Variants in RFC1 observed in about 807,000 individuals in gnomAD.
RFC1 encodes the protein A1 140 kDa subunit.
Under a neutral mutation model 137.4 loss-of-function variants are expected in RFC1, and 37 were observed. The ratio of observed to expected loss-of-function variants is 0.27; its 90% CI spans 0.21 to 0.35. The LOEUF is 0.35. Among genes scored for constraint, RFC1 ranks in the 10% least tolerant of loss-of-function variants. RFC1 has a pLI of 1.00. For missense variants in RFC1, 1,205 were observed against 1,358.5 expected, an observed-to-expected ratio of 0.89 and a Z score of 1.78; for synonymous variants, 429 against 455.7, an observed-to-expected ratio of 0.94 and a Z score of 0.75.
chr4:39,355,281 G>A (rs1741416273), intron 1 of RFC1, among the ~76,000 whole-genome samples: 2 of 151,440 alleles, frequency 1.3e-5, no homozygotes, highest in African/African-American at 2.4e-5. Context: ...AAAAAAATCA[G>A]CCTAGTGTAG....
At position 39,308,799 on chromosome 4, in the gene RFC1, A is replaced by G. The variant is rs1041481930; in HGVS notation, c.1722T>C (p.Asp574=). The G allele has an allele frequency of 1.9e-6, 3 of 1,614,178 alleles. No individual in the cohort carries two copies. The highest frequency in any genetic ancestry group is 1.7e-6 in the Non-Finnish European group (2 of 1,180,040). The part of the protein sequence containing the change: ...SGDSKARNLA[D]DSSENKVENL... ...TTTCCACTTTGTTTTCACTGCTGTC[A>G]TCAGCCAAATTCCTAGCCTTGCTGT... The change falls in exon 13 of 25, where the codon GAT becomes GAC. Residue 574 remains aspartate, a synonymous_variant. Coordinates refer to ENST00000349703, the MANE Select transcript of RFC1 (RefSeq NM_002913.5).
At chr4:39,292,458 C>T (rs528689450) in intron 22 of RFC1, among the ~76,000 whole-genome samples, 2 of 152,194 alleles carry the variant, frequency 1.3e-5, no homozygotes, top group South Asian at 2.1e-4. Flanking sequence ...GCTGAGAACT[C>T]GAATGTTATC....
At chr4:39,307,151 C>T (rs1449463107) in intron 13 of RFC1, among the ~76,000 whole-genome samples, 2 of 152,092 alleles carry the variant, frequency 1.3e-5, no homozygotes, top group African/African-American at 4.8e-5. Flanking sequence ...GTTGTGAGGA[C>T]GGAATGGCTG....
intron 3 of RFC1, among the ~76,000 whole-genome samples, chr4:39,343,548 G>T (rs975875780): frequency 2.6e-4 from 39 of 152,144 alleles, no homozygotes; most frequent in Admixed American, 1.3e-4. Flanking sequence ...CAAAATAGAT[G>T]TTTCATAAAC....
chr4:39,309,589 T>G (rs1243021592), intron 12 of RFC1, among the ~76,000 whole-genome samples: 2 of 152,236 alleles, frequency 1.3e-5, no homozygotes, highest in African/African-American at 2.4e-5. Context: ...CCATATATTC[T>G]AATGTCTCCA....
At chr4:39,361,576 A>G (rs1340642733) in intron 1 of RFC1, among the ~76,000 whole-genome samples, 3 of 152,222 alleles carry the variant, frequency 2.0e-5, no homozygotes, top group African/African-American at 4.8e-5. Context: ...AATAAAAGAC[A>G]TCTACATTGA....
intron 21 of RFC1, chr4:39,297,842 C>T (rs1326475993): frequency 6.6e-6 from 1 of 152,184 alleles, no homozygotes; most frequent in Non-Finnish European, 1.5e-5. Flanking sequence ...ATAAATACTT[C>T]TTCAAGAGGA....
chr4:39,357,704 A>G (rs1170708944), intron 1 of RFC1, among the ~76,000 whole-genome samples: 2 of 151,224 alleles, frequency 1.3e-5, no homozygotes, highest in South Asian at 2.1e-4. Context: ...GCAACCTCCA[A>G]CTCCCAGGTT....
chr4:39,345,778 G>A (rs1740831486), intron 2 of RFC1, among the ~76,000 whole-genome samples: 2 of 151,910 alleles, frequency 1.3e-5, no homozygotes, highest in African/African-American at 4.8e-5. Flanking sequence ...TTGCATCCCC[G>A]CCCCCCAGAA....
chr4:39,360,182 G>A (rs1293241671), intron 1 of RFC1, among the ~76,000 whole-genome samples: 2 of 151,448 alleles, frequency 1.3e-5, no homozygotes, highest in African/African-American at 4.9e-5. Context: ...CCTGGCCAAC[G>A]TGGTGAAACC....
At chr4:39,323,456 T>C (rs1739620285) in intron 6 of RFC1, 39 bp from the exon 7 acceptor site, 8 of 1,537,152 alleles carry the variant, frequency 5.2e-6, no homozygotes, top group South Asian at 4.5e-5. Context: ...AGTTGCTCTT[T>C]TTCTTTTCGT....
At chr4:39,291,906 T>C (rs917149329) in intron 22 of RFC1, 54 bp from the exon 23 acceptor site, 32 of 1,272,266 alleles carry the variant, frequency 2.5e-5, no homozygotes, top group Non-Finnish European at 3.1e-5. Context: ...ACTCAAGTCA[T>C]ACTGTGCATA....
chr4:39,289,671 A>G (rs56391770), intron 24 of RFC1, 177 bp downstream of exon 24: 23 of 561,552 alleles, frequency 4.1e-5, no homozygotes, highest in African/African-American at 3.6e-4. Context: ...TTCGACTACC[A>G]TAAGAAACTT....
At chr4:39,365,519 C>T in intron 1 of RFC1, 1 of 984,844 alleles carries the variant, frequency 1.0e-6, no homozygotes, top group Non-Finnish European at 1.2e-6. Flanking sequence ...TTTGTTTGAA[C>T]ATTTTATCCA....
At chr4:39,297,271 G>A (rs1231505450) in intron 21 of RFC1, among the ~76,000 whole-genome samples, 1 of 81,170 alleles carries the variant, frequency 1.2e-5, no homozygotes, top group East Asian at 2.6e-4. Context: ...GATCCCATTT[G>A]TCAATTTTGG....
Position 39,323,382 on chromosome 4 carries a change from G to A in RFC1, c.678C>T (p.Ala226=). The A allele has an allele frequency of 6.2e-7, 1 of 1,613,996 alleles. No individual in the cohort carries two copies. The highest frequency in any genetic ancestry group is 8.5e-7 in the Non-Finnish European group (1 of 1,179,958). Residue 226 remains alanine, a synonymous_variant, in exon 7 of 25, where the codon GCC becomes GCT. Transcript: ENST00000349703. ...ERQLHEDEEF[A]RTLAMLDEEP... is the part of the protein sequence containing the mutation. ...CTTCATCCAACATGGCTAATGTTCTGGCAAACTCTTCATCTTCATGCAACT... is the reference window on the plus strand; with the variant it reads ...CTTCATCCAACATGGCTAATGTTCTAGCAAACTCTTCATCTTCATGCAACT...
At chr4:39,345,519 T>C in intron 2 of RFC1, 43 bp from the exon 3 acceptor site, 3 of 1,485,644 alleles carry the variant, frequency 2.0e-6, no homozygotes, top group Non-Finnish European at 2.8e-6. Context: ...GAAGCCTATA[T>C]AACTATCTTT....
chr4:39,346,419 T>C (rs961070980), intron 2 of RFC1, among the ~76,000 whole-genome samples: 1 of 148,848 alleles, frequency 6.7e-6, no homozygotes, highest in African/African-American at 2.5e-5. Flanking sequence ...GAGGTTGCAG[T>C]AAGCCAAGAT....
rs755074181 is a variant in RFC1 at position 39,312,886 on chromosome 4, C to G, written c.1249G>C (p.Val417Leu). The G allele has an allele frequency of 6.2e-7, 1 of 1,613,948 alleles. No homozygotes were observed. Among genetic ancestry groups the G allele is most frequent in the Admixed American group, 1.7e-5 (1 of 59,996 alleles). The change falls in exon 11 of 25, where the codon GTG becomes CTG. Residue 417 changes from valine (V) to leucine (L), a missense_variant. Val to Leu is a conservative substitution (Grantham distance 32, BLOSUM62 1). Transcript: ENST00000349703. ...TCATCTCGTTCAATAGACTCCAGCA[C>G]GCCTGTGATTACAAATATAAGGCCT... is the stretch of plus-strand genomic sequence containing the variant. The part of the protein sequence containing the change: ...LEGLIFVITG[V>L]LESIERDEAK...
Sources: gnomAD v4.1 joint callset for allele counts (sites outside exome capture counted in the v4.1 genomes callset) on GRCh38, gnomAD v4.1.1 for gene constraint, MANE v1.5 for transcripts, NCBI Gene and HGNC (gene_info 2026-07-23, HGNC 2026-07-21) for gene names.